PCNX2: variants seen among roughly 807,000 people sequenced by gnomAD.
PCNX2 encodes the protein pecanex-like protein 2.
PCNX2 carries 168 observed loss-of-function variants against 223.8 expected under a neutral mutation model. That is an observed-to-expected ratio of 0.75 (90% CI 0.66 to 0.85). PCNX2 has a LOEUF of 0.85. PCNX2 is among the 40% of genes least tolerant of loss of function. PCNX2 has a pLI of 0.00. For synonymous variants in PCNX2, 1,006 were observed against 1,052.6 expected (o/e 0.96, Z 0.86); for missense variants, 2,507 against 2,675.5 (o/e 0.94, Z 1.39).
At chr1:233,265,986 T>A (rs1481535366) in intron 1 of PCNX2, among the ~76,000 whole-genome samples, 4 of 152,208 alleles carry the variant, frequency 2.6e-5, no homozygotes, top group Non-Finnish European at 5.9e-5. Flanking sequence ...AATTTGAAGT[T>A]ACCATGAGTA....
intron 23 of PCNX2, among the ~76,000 whole-genome samples, chr1:233,070,843 T>A (rs1382059491): frequency 6.6e-6 from 1 of 152,082 alleles, no homozygotes; most frequent in Non-Finnish European, 1.5e-5. Context: ...GAGACCATCC[T>A]GGCTAACACG....
In PCNX2 at chr1:232,984,208, G is replaced by A. The variant is rs1215168241; in HGVS notation, c.*96C>T. 6 of 1,193,068 alleles carry A rather than the reference G, an allele frequency of 5.0e-6. No homozygotes were observed. Among genetic ancestry groups the A allele is most frequent in the East Asian group, 3.5e-5 (1 of 28,608 alleles). The allele number at this position is 1,193,068 out of a possible 1,614,324, so 73.9% of individuals were successfully genotyped here. ...ACAGGAGGAGTCCCTCATGGATCGC[G>A]GTATTGGTTGGTTGTGGTGATTTGG... On this transcript the variant is annotated 3_prime_UTR_variant, in exon 34 of 34. Coordinates refer to ENST00000258229, the MANE Select transcript of PCNX2 (RefSeq NM_014801.4).
At chr1:233,051,942 G>T (rs775499060) in intron 25 of PCNX2, among the ~76,000 whole-genome samples, 1 of 152,148 alleles carries the variant, frequency 6.6e-6, no homozygotes, top group Non-Finnish European at 1.5e-5. Flanking sequence ...CAGAGAGCAG[G>T]ACAGTTCTAT....
intron 1 of PCNX2, among the ~76,000 whole-genome samples, chr1:233,281,104 A>T (rs936927755): frequency 5.3e-5 from 8 of 152,204 alleles, no homozygotes; most frequent in Non-Finnish European, 1.0e-4. Flanking sequence ...ACACAGTCGG[A>T]GGGGTTGATA....
chr1:233,005,111 A>C (rs1489085384), intron 28 of PCNX2, among the ~76,000 whole-genome samples: 1 of 152,254 alleles, frequency 6.6e-6, no homozygotes, highest in Non-Finnish European at 1.5e-5. Flanking sequence ...TGCTCACAGC[A>C]TCAGATAGGA....
At chr1:233,288,946 G>A in intron 1 of PCNX2, 5 of 1,502,336 alleles carry the variant, frequency 3.3e-6, no homozygotes, top group Non-Finnish European at 4.6e-6. Context: ...TCAACCTTGT[G>A]TTCCACATTG....
At chr1:233,272,185 A>G (rs1660670787) in intron 1 of PCNX2, among the ~76,000 whole-genome samples, 1 of 152,144 alleles carries the variant, frequency 6.6e-6, no homozygotes, top group African/African-American at 2.4e-5. Context: ...CAAAAGAAAC[A>G]ATCAGCAGAG....
chr1:233,322,346 G>A, the PCNX2 span, among the ~76,000 whole-genome samples: 94 of 152,240 alleles, frequency 6.2e-4, no homozygotes, highest in African/African-American at 2.1e-3. Flanking sequence ...AGTAGGGCAC[G>A]ACACCAATGC....
chr1:233,100,150 C>T (rs894935058), intron 21 of PCNX2, among the ~76,000 whole-genome samples: 5 of 152,128 alleles, frequency 3.3e-5, no homozygotes, highest in East Asian at 1.9e-4. Context: ...CGGGGGCTCA[C>T]GCCTGTAATC....
chr1:233,143,926 G>C (rs953796309), intron 19 of PCNX2, among the ~76,000 whole-genome samples: 1 of 151,518 alleles, frequency 6.6e-6, no homozygotes, highest in Non-Finnish European at 1.5e-5. Flanking sequence ...TCTCTTTACC[G>C]AATCATTCTC....
intron 8 of PCNX2, among the ~76,000 whole-genome samples, chr1:233,248,277 C>G (rs552711233): frequency 6.6e-6 from 1 of 151,976 alleles, no homozygotes; most frequent in African/African-American, 2.4e-5. Context: ...CCAGCCCCTT[C>G]CAGTCTCGGG....
chr1:233,147,205 C>T (rs1222752135), intron 19 of PCNX2, among the ~76,000 whole-genome samples: 3 of 152,120 alleles, frequency 2.0e-5, no homozygotes, highest in South Asian at 2.1e-4. Flanking sequence ...GCGAATTTAA[C>T]GTTGACTCCC....
chr1:233,308,191 T>C, the PCNX2 span, among the ~76,000 whole-genome samples: 1 of 152,196 alleles, frequency 6.6e-6, no homozygotes, highest in Non-Finnish European at 1.5e-5. Flanking sequence ...GCGTAGTGGC[T>C]CACGCCTGTA....
intron 9 of PCNX2, among the ~76,000 whole-genome samples, chr1:233,232,615 A>G (rs892503181): frequency 3.3e-5 from 5 of 152,206 alleles, no homozygotes; most frequent in African/African-American, 1.2e-4. Flanking sequence ...AATAAATGTT[A>G]CGATATTATA....
intron 2 of PCNX2, 131 bp from the exon 3 acceptor site, chr1:233,262,296 T>C (rs370388545): frequency 8.4e-7 from 1 of 1,185,680 alleles, no homozygotes; most frequent in East Asian, 2.6e-5. Flanking sequence ...TAAATCTTTT[T>C]TTGTTGTTGT....
At chr1:233,320,768 T>C in the PCNX2 span, among the ~76,000 whole-genome samples, 1 of 152,194 alleles carries the variant, frequency 6.6e-6, no homozygotes, top group Admixed American at 6.5e-5. Flanking sequence ...GCTATTTAGA[T>C]TTTCCAAATG....
chr1:233,110,817 AAATTT>A (rs1347379515), intron 21 of PCNX2, among the ~76,000 whole-genome samples: 1 of 150,316 alleles, frequency 6.7e-6, no homozygotes, highest in African/African-American at 2.4e-5. Flanking sequence ...AATATTATTT[AAATTT>A]AATATATATT....
chr1:233,107,266 T>C (rs368362758), intron 21 of PCNX2, among the ~76,000 whole-genome samples: 1 of 152,044 alleles, frequency 6.6e-6, no homozygotes, highest in African/African-American at 2.4e-5. Context: ...TGGGTGCAGT[T>C]TGTAGTCCCA....
intron 25 of PCNX2, among the ~76,000 whole-genome samples, chr1:233,028,908 A>G (rs1260342577): frequency 7.0e-6 from 1 of 142,214 alleles, no homozygotes; most frequent in Non-Finnish European, 1.5e-5. Flanking sequence ...GTGTGATCTC[A>G]GCTCACTGCA....
Sources: gnomAD v4.1 joint callset for allele counts (sites outside exome capture counted in the v4.1 genomes callset) on GRCh38, gnomAD v4.1.1 for gene constraint, MANE v1.5 for transcripts, NCBI Gene and HGNC (gene_info 2026-07-23, HGNC 2026-07-21) for gene names.